The following FCHSD2 variants were observed in gnomAD, a reference collection of about 807,000 sequenced individuals.
FCHSD2 encodes FCH and double SH3 domains 2.
In FCHSD2, 38 loss-of-function variants were observed where a neutral mutation model predicts 108.1. That is an observed-to-expected ratio of 0.35 (90% CI 0.27 to 0.46). The LOEUF is 0.46. FCHSD2 is among the 20% of genes least tolerant of loss of function. The probability of loss-of-function intolerance (pLI) is 1.00; values close to 1 mark genes in which losing one functional copy is unlikely to be tolerated. For synonymous variants in FCHSD2, 279 were observed against 314.7 expected, an observed-to-expected ratio of 0.89 and a Z score of 1.20; for missense variants, 751 against 897.8, an observed-to-expected ratio of 0.84 and a Z score of 2.09.
At position 72,837,237 on chromosome 11, in the gene FCHSD2, CA is replaced by C. The variant is rs1860756242; in HGVS notation, c.*1553del. ...ACAGGTTAAGAAGTGTAAAAAACAA[CA>C]ACGAAAAAAAACCCCAAATCATGGA... is the stretch of plus-strand genomic sequence containing the variant. On this transcript the variant is annotated 3_prime_UTR_variant, in exon 20 of 20. Transcript: ENST00000409418. The C allele has an allele frequency of 6.6e-6, 1 of 151,916 alleles. No individual in the cohort carries two copies. Among genetic ancestry groups the C allele is most frequent in the South Asian group, 2.1e-4 (1 of 4,808 alleles). The allele number at this position is 151,916 out of a possible 1,614,324, so 9.4% of individuals were successfully genotyped here.
chr11:73,009,869 T>A (rs1857824296), intron 4 of FCHSD2, among the ~76,000 whole-genome samples: 1 of 152,200 alleles, frequency 6.6e-6, no homozygotes. Context: ...GACTATAATG[T>A]ACCATGGAGA....
chr11:73,028,105 G>A (rs903062034), intron 3 of FCHSD2, among the ~76,000 whole-genome samples: 2 of 152,188 alleles, frequency 1.3e-5, no homozygotes, highest in East Asian at 3.8e-4. Flanking sequence ...ATGCTCACAG[G>A]GGCACTGCCT....
chr11:73,046,091 A>G (rs993825667), intron 3 of FCHSD2, among the ~76,000 whole-genome samples: 7 of 151,504 alleles, frequency 4.6e-5, no homozygotes, highest in African/African-American at 1.7e-4. Context: ...ACTGGACTCA[A>G]GGGATACTGT....
At chr11:73,044,314 A>C (rs992430942) in intron 3 of FCHSD2, among the ~76,000 whole-genome samples, 22 of 152,182 alleles carry the variant, frequency 1.4e-4, no homozygotes, top group Non-Finnish European at 2.6e-4. Flanking sequence ...GTGGTGTCTT[A>C]TATCTGTAAT....
At chr11:73,085,811 G>A (rs1243788767) in intron 2 of FCHSD2, among the ~76,000 whole-genome samples, 1 of 151,990 alleles carries the variant, frequency 6.6e-6, no homozygotes, top group Non-Finnish European at 1.5e-5. Context: ...AAAAAAAAAT[G>A]AGAGCAGAGT....
chr11:72,892,777 T>C (rs1305145811), intron 10 of FCHSD2, among the ~76,000 whole-genome samples: 1 of 152,010 alleles, frequency 6.6e-6, no homozygotes, highest in Non-Finnish European at 1.5e-5. Flanking sequence ...ACTAATTTTT[T>C]GTATTTTTAG....
At chr11:72,923,465 T>C (rs1856012939) in intron 8 of FCHSD2, among the ~76,000 whole-genome samples, 1 of 152,202 alleles carries the variant, frequency 6.6e-6, no homozygotes, top group South Asian at 2.1e-4. Flanking sequence ...ACTTATTCTT[T>C]TGTATTTTGG....
At position 72,838,679 on chromosome 11, in the gene FCHSD2, G is replaced by T; in HGVS notation, c.*112C>A. The T allele has an allele frequency of 2.4e-6, 2 of 845,068 alleles. No homozygotes were observed. The highest frequency in any genetic ancestry group is 3.9e-6 in the Non-Finnish European group (2 of 518,882). 52.3% of individuals were successfully genotyped at this position (845,068 alleles called of 1,614,324 possible). Reference sequence around the variant, plus strand: ...CACCCAGTCACACATAATCCTCCTTGTTTTTTGCTCTGTTCAAGAGTCATC... The same window carrying T: ...CACCCAGTCACACATAATCCTCCTTTTTTTTTGCTCTGTTCAAGAGTCATC... On this transcript the variant is annotated 3_prime_UTR_variant, in exon 20 of 20. Coordinates refer to ENST00000409418, the MANE Select transcript of FCHSD2 (RefSeq NM_014824.3).
At chr11:73,046,168 T>C (rs1485284934) in intron 3 of FCHSD2, among the ~76,000 whole-genome samples, 2 of 151,954 alleles carry the variant, frequency 1.3e-5, no homozygotes, top group East Asian at 3.9e-4. Flanking sequence ...TTTTTTAATG[T>C]TTTGTAAAGA....
intron 10 of FCHSD2, among the ~76,000 whole-genome samples, chr11:72,897,676 C>T (rs574121111): frequency 6.6e-6 from 1 of 152,144 alleles, no homozygotes. Flanking sequence ...GACACCCAAA[C>T]CCATGTTTTC....
chr11:72,911,156 T>A (rs1019391206), intron 9 of FCHSD2, among the ~76,000 whole-genome samples: 2 of 152,226 alleles, frequency 1.3e-5, no homozygotes, highest in African/African-American at 4.8e-5. Context: ...CATTTTGATT[T>A]GATTTTTGTA....
intron 3 of FCHSD2, among the ~76,000 whole-genome samples, chr11:73,077,251 T>C (rs894494774): frequency 6.6e-6 from 1 of 151,510 alleles, no homozygotes; most frequent in African/African-American, 2.4e-5. Flanking sequence ...ATCAATAAAA[T>C]ATTTGAACAA....
At chr11:73,049,102 T>A (rs1463202326) in intron 3 of FCHSD2, among the ~76,000 whole-genome samples, 1 of 152,140 alleles carries the variant, frequency 6.6e-6, no homozygotes, top group Non-Finnish European at 1.5e-5. Flanking sequence ...ATGGTGAAGA[T>A]CTGATTTAAT....
chr11:73,066,275 T>G (rs978187941), intron 3 of FCHSD2, among the ~76,000 whole-genome samples: 1 of 152,168 alleles, frequency 6.6e-6, no homozygotes, highest in Non-Finnish European at 1.5e-5. Context: ...TAAATGTTGT[T>G]GGGAAAACTG....
intron 2 of FCHSD2, among the ~76,000 whole-genome samples, chr11:73,118,914 T>C (rs1301836812): frequency 6.6e-6 from 1 of 152,250 alleles, no homozygotes; most frequent in Non-Finnish European, 1.5e-5. Context: ...AGACACATAC[T>C]ACACAACATG....
intron 13 of FCHSD2, among the ~76,000 whole-genome samples, chr11:72,862,493 C>T (rs1052729542): frequency 1.3e-5 from 2 of 152,038 alleles, no homozygotes; most frequent in African/African-American, 4.8e-5. Context: ...TACAATAGCA[C>T]CAAAATTATG....
intron 13 of FCHSD2, among the ~76,000 whole-genome samples, chr11:72,852,031 C>T (rs540389848): frequency 6.6e-6 from 1 of 151,926 alleles, no homozygotes; most frequent in East Asian, 1.9e-4. Flanking sequence ...TGTGCACCAC[C>T]ACACCTGGCT....
intron 5 of FCHSD2, among the ~76,000 whole-genome samples, chr11:72,992,564 A>T (rs1455887580): frequency 6.6e-6 from 1 of 152,230 alleles, no homozygotes; most frequent in Non-Finnish European, 1.5e-5. Flanking sequence ...ACAGAGATAT[A>T]GACCAATGGA....
Position 73,001,092 on chromosome 11 carries a change from C to A in FCHSD2, c.285G>T (p.Met95Ile), listed in dbSNP as rs755756437. 1.2e-6 allele frequency: 2 copies of A among 1,613,194 alleles called. No individual in the cohort carries two copies. Among genetic ancestry groups the A allele is most frequent in the South Asian group, 2.2e-5 (2 of 90,900 alleles). Residue 95 changes from methionine to isoleucine, a missense_variant, in exon 5 of 20, where the codon ATG (methionine) becomes ATT (isoleucine). Coordinates refer to ENST00000409418, the MANE Select transcript of FCHSD2 (RefSeq NM_014824.3). The stretch of plus-strand genomic sequence containing the variant: ...TATTCATCCGAGACTGGGCTACCTG[C>A]ATTGTTCCCTCGAGAAAAGATTTCC... Reference protein sequence around the residue: ...PVWKSFLEGTMQVAQSRMNIC... With the variant: ...PVWKSFLEGTIQVAQSRMNIC...
Sources: allele counts gnomAD v4.1 joint callset (sites outside exome capture counted in the v4.1 genomes callset), GRCh38; gene constraint gnomAD v4.1.1; transcripts MANE v1.5; gene names NCBI Gene and HGNC (gene_info 2026-07-23, HGNC 2026-07-21).